The following CPNE4 variants were observed in gnomAD, a reference collection of about 807,000 sequenced individuals.
CPNE4 encodes copine-4.
Under a neutral mutation model 67.9 loss-of-function variants are expected in CPNE4, and 25 were observed. The ratio of observed to expected loss-of-function variants is 0.37; its 90% CI spans 0.27 to 0.51. CPNE4 has a LOEUF of 0.51. Among genes scored for constraint, CPNE4 ranks in the 20% least tolerant of loss-of-function variants. The pLI is 0.93. For synonymous variants in CPNE4, 242 were observed against 244.9 expected (o/e 0.99, Z 0.11); for missense variants, 464 against 690.8 (o/e 0.67, Z 3.68).
At chr3:131,738,227 G>A (rs1258314279) in intron 2 of CPNE4, among the ~76,000 whole-genome samples, 4 of 152,226 alleles carry the variant, frequency 2.6e-5, no homozygotes, top group East Asian at 1.9e-4. Context: ...ATAAATTATC[G>A]TAAGTAGCAT....
chr3:131,869,904 T>C (rs2087122123), intron 2 of CPNE4, among the ~76,000 whole-genome samples: 1 of 152,202 alleles, frequency 6.6e-6, no homozygotes, highest in South Asian at 2.1e-4. Context: ...ATGGGGCCTG[T>C]AGCTTGAAGG....
At chr3:131,851,228 A>G (rs768373512) in intron 2 of CPNE4, among the ~76,000 whole-genome samples, 14 of 152,134 alleles carry the variant, frequency 9.2e-5, no homozygotes, top group African/African-American at 2.4e-4. Context: ...GGACCTAGAC[A>G]TTATCTATAA....
chr3:132,025,130 A>G (rs2074090080), intron 1 of CPNE4, among the ~76,000 whole-genome samples: 1 of 152,220 alleles, frequency 6.6e-6, no homozygotes, highest in African/African-American at 2.4e-5. Context: ...TTTGAGAACC[A>G]TGGCTTGAAG....
At chr3:131,540,766 T>G (rs1935437430) in intron 15 of CPNE4, among the ~76,000 whole-genome samples, 1 of 152,150 alleles carries the variant, frequency 6.6e-6, no homozygotes, top group African/African-American at 2.4e-5. Flanking sequence ...GGGGATGGCA[T>G]CCTGCCTGAC....
intron 9 of CPNE4, among the ~76,000 whole-genome samples, chr3:131,575,395 G>A (rs1937526797): frequency 1.3e-5 from 2 of 152,132 alleles, no homozygotes; most frequent in African/African-American, 2.4e-5. Flanking sequence ...ATCAGCTTAT[G>A]CCTCTGAAGT....
intron 1 of CPNE4, among the ~76,000 whole-genome samples, chr3:131,946,856 CTATTT>C (rs2071566197): frequency 6.6e-6 from 1 of 151,970 alleles, no homozygotes; most frequent in African/African-American, 2.4e-5. Context: ...GGTGTGTGAT[CTATTT>C]TGAGTTAATT....
chr3:131,913,366 C>T (rs1228588), intron 1 of CPNE4, among the ~76,000 whole-genome samples: 33,905 of 152,062 alleles, frequency 0.22, 4,001 homozygotes, highest in Non-Finnish European at 0.26. Context: ...ATATAACCAT[C>T]GGGGGCATTC....
chr3:131,718,491 G>A (rs971424378), intron 3 of CPNE4, among the ~76,000 whole-genome samples: 13 of 152,054 alleles, frequency 8.5e-5, no homozygotes, highest in South Asian at 4.2e-4. Context: ...GTTCTCTGTC[G>A]TTCCCTTCAT....
Position 131,552,427 on chromosome 3 carries a change from C to A in CPNE4, c.1168+13G>T. On this transcript the variant is annotated intron_variant, in intron 13 of 15. Coordinates refer to ENST00000429747, the MANE Select transcript of CPNE4 (RefSeq NM_130808.3). ...GGACTGTGACACTGGCTTTCTTTCA[C>A]GTTGTGCTTTACCTGCACATTCTGG... The A allele has an allele frequency of 2.5e-6, 4 of 1,610,526 alleles. No individual in the cohort carries two copies. The highest frequency in any genetic ancestry group is 1.1e-5 in the South Asian group (1 of 90,888).
At chr3:131,634,723 C>T (rs1419315789) in intron 7 of CPNE4, among the ~76,000 whole-genome samples, 1 of 152,060 alleles carries the variant, frequency 6.6e-6, no homozygotes, top group Non-Finnish European at 1.5e-5. Flanking sequence ...AAGCAATGTT[C>T]TTTCAGAATT....
At chr3:131,675,114 A>G (rs1293836375) in intron 6 of CPNE4, among the ~76,000 whole-genome samples, 1 of 152,126 alleles carries the variant, frequency 6.6e-6, no homozygotes. Context: ...GTATTTGTAC[A>G]GTTTCCAAAA....
At chr3:131,801,420 G>GTATA (rs761078969) in intron 2 of CPNE4, among the ~76,000 whole-genome samples, 2 of 75,664 alleles carry the variant, frequency 2.6e-5, no homozygotes, top group Non-Finnish European at 4.9e-5. Flanking sequence ...ATATACGTGT[G>GTATA]TGTGTGTGTG....
At chr3:132,026,846 G>T (rs1404407221) in intron 1 of CPNE4, among the ~76,000 whole-genome samples, 2 of 148,294 alleles carry the variant, frequency 1.3e-5, no homozygotes, top group Non-Finnish European at 3.0e-5. Context: ...TTATATATAT[G>T]GTTTAATCTC....
chr3:132,001,219 G>A (rs2073422174), intron 1 of CPNE4, among the ~76,000 whole-genome samples: 1 of 152,004 alleles, frequency 6.6e-6, no homozygotes, highest in Non-Finnish European at 1.5e-5. Flanking sequence ...GCTGGCTAGA[G>A]AACAGAAGGT....
chr3:131,994,575 G>T (rs1313834108), intron 1 of CPNE4, among the ~76,000 whole-genome samples: 2 of 152,166 alleles, frequency 1.3e-5, no homozygotes, highest in Admixed American at 6.5e-5. Flanking sequence ...GCCCTTCAAA[G>T]TTCAGGTAAC....
At position 131,608,351 on chromosome 3, in the gene CPNE4, C is replaced by A. The variant is rs373925788; in HGVS notation, c.682-20769G>T. Among the ~76,000 whole-genome samples the A allele has an allele frequency of 1.6e-3, 249 of 152,150 alleles. 2 individuals are homozygous for A. Among genetic ancestry groups the A allele is most frequent in the South Asian group, 4.8e-3 (23 of 4,816 alleles). ...AGTACGGTGGGTTTGGAGTGGATAG[C>A]AATCTGACTGAGCCAGGAGTTTGAG... On this transcript the variant is annotated intron_variant, in intron 7 of 15. Coordinates refer to ENST00000429747, the MANE Select transcript of CPNE4 (RefSeq NM_130808.3).
intron 1 of CPNE4, among the ~76,000 whole-genome samples, chr3:131,942,463 T>TGTGAGAGAGAGA (rs2071424814): frequency 4.2e-5 from 3 of 70,772 alleles, no homozygotes; most frequent in African/African-American, 1.5e-4. Flanking sequence ...TGTGTGTGTG[T>TGTGAGAGAGAGA]GAGAGAGAGA....
intron 4 of CPNE4, among the ~76,000 whole-genome samples, chr3:131,697,236 T>C (rs1560133570): frequency 6.6e-6 from 1 of 152,140 alleles, no homozygotes; most frequent in Admixed American, 6.5e-5. Flanking sequence ...CAATACTTAA[T>C]AGTTAGTGAC....
At chr3:131,559,285 T>G (rs750173604) in intron 11 of CPNE4, among the ~76,000 whole-genome samples, 10 of 152,048 alleles carry the variant, frequency 6.6e-5, no homozygotes, top group Non-Finnish European at 1.2e-4. Flanking sequence ...GTTATTTATT[T>G]CCATACACTT....
Sources: allele counts gnomAD v4.1 joint callset (sites outside exome capture counted in the v4.1 genomes callset), GRCh38; gene constraint gnomAD v4.1.1; transcripts MANE v1.5; gene names NCBI Gene and HGNC (gene_info 2026-07-23, HGNC 2026-07-21).